The following DMD variants were observed in gnomAD, a reference collection of about 807,000 sequenced individuals.
DMD encodes mutant dystrophin.
A neutral mutation model predicts 330.1 loss-of-function variants in DMD; 63 were observed. That is an observed-to-expected ratio of 0.19 (90% CI 0.16 to 0.24). The LOEUF (loss-of-function observed/expected upper bound fraction) is 0.24, where lower values mean the gene tolerates loss of function less well. Ranked by LOEUF, DMD falls within the 10% of genes least tolerant of loss-of-function variation. The pLI, the probability that DMD is intolerant of heterozygous loss-of-function variation, is 1.00. For missense variants in DMD, 3,344 were observed against 2,684.1 expected (o/e 1.25, Z -5.43); for synonymous variants, 1,223 against 959.8 (o/e 1.27, Z -5.07).
At chrX:31,449,980 T>C (rs2065606116) in intron 59 of DMD, among the ~76,000 whole-genome samples, 2 of 108,517 alleles carry the variant, frequency 1.8e-5, no homozygotes, top group South Asian at 4.1e-4. Flanking sequence ...AAAAATGAAG[T>C]GTTATTCTTG....
At chrX:33,162,654 C>T (rs2048824790) in intron 1 of DMD, among the ~76,000 whole-genome samples, 1 of 110,834 alleles carries the variant, frequency 9.0e-6, no homozygotes. Context: ...ACGCACACAC[C>T]AAAAATAACT....
chrX:32,744,747 C>G (rs1292383107), intron 7 of DMD, among the ~76,000 whole-genome samples: 2 of 111,661 alleles, frequency 1.8e-5, no homozygotes, highest in African/African-American at 6.5e-5. Context: ...CAATCCTCTT[C>G]ATCTGCTTTG....
chrX:31,242,279 A>AT (rs1569496874), intron 63 of DMD, among the ~76,000 whole-genome samples: 1 of 104,834 alleles, frequency 9.5e-6, no homozygotes, highest in African/African-American at 3.5e-5. Context: ...AAAAAAAAAA[A>AT]AAAAAAAAAA....
At chrX:31,393,795 G>A (rs755806191) in intron 60 of DMD, among the ~76,000 whole-genome samples, 46 of 111,814 alleles carry the variant, frequency 4.1e-4, no homozygotes, top group African/African-American at 1.4e-3. Flanking sequence ...CACCCCACAC[G>A]TTGACTCCCA....
chrX:32,986,026 C>T (rs2092835475), intron 2 of DMD, among the ~76,000 whole-genome samples: 3 of 111,600 alleles, frequency 2.7e-5, no homozygotes, highest in Admixed American at 9.6e-5. Context: ...ATACTTATTA[C>T]TTTTCTAAAT....
intron 50 of DMD, among the ~76,000 whole-genome samples, chrX:31,811,818 G>C (rs1168355253): frequency 9.0e-6 from 1 of 111,541 alleles, no homozygotes. Context: ...ACCTGAAGCA[G>C]AATCAACAGT....
chrX:32,594,546 C>G (rs2055301927), intron 13 of DMD, among the ~76,000 whole-genome samples: 1 of 111,432 alleles, frequency 9.0e-6, no homozygotes, highest in Admixed American at 9.6e-5. Context: ...TGTAATTCTT[C>G]TAATTACGTC....
At chrX:32,815,828 T>C (rs2077719825) in intron 6 of DMD, among the ~76,000 whole-genome samples, 1 of 110,846 alleles carries the variant, frequency 9.0e-6, no homozygotes, top group Admixed American at 9.7e-5. Flanking sequence ...TTTATAGCAA[T>C]TGATTTGCTG....
At chrX:33,244,767 A>G (rs1402309149) in intron 1 of DMD, among the ~76,000 whole-genome samples, 1 of 111,959 alleles carries the variant, frequency 8.9e-6, no homozygotes, top group East Asian at 2.8e-4. Flanking sequence ...CCATAGAAAC[A>G]AAACGAAATG....
At chrX:32,860,076 C>A (rs1448645688) in intron 2 of DMD, among the ~76,000 whole-genome samples, 1 of 111,752 alleles carries the variant, frequency 8.9e-6, no homozygotes, top group Non-Finnish European at 1.9e-5. Flanking sequence ...AGACAGTATT[C>A]CTTCCAAATC....
intron 44 of DMD, among the ~76,000 whole-genome samples, chrX:32,199,780 T>TTGTGTGTGTGTGTG (rs35897988): frequency 0.015 from 1,230 of 84,084 alleles, 30 homozygotes; most frequent in Non-Finnish European, 0.015. Context: ...CGCAAGGCTT[T>TTGTGTGTGTGTGTG]TGTGTGTGTG....
chrX:32,135,666 G>A (rs1014319274), intron 44 of DMD, among the ~76,000 whole-genome samples: 3 of 112,396 alleles, frequency 2.7e-5, no homozygotes, highest in Non-Finnish European at 3.8e-5. Flanking sequence ...GAGGCAGTGA[G>A]CCATGAATGC....
At chrX:31,902,754 G>T (rs1241280282) in intron 47 of DMD, among the ~76,000 whole-genome samples, 1 of 111,485 alleles carries the variant, frequency 9.0e-6, no homozygotes, top group African/African-American at 3.3e-5. Context: ...ATTACATCCC[G>T]TATAATCCTA....
chrX:31,266,560 C>T (rs1221712549), intron 62 of DMD, among the ~76,000 whole-genome samples: 1 of 112,163 alleles, frequency 8.9e-6, no homozygotes, highest in Non-Finnish European at 1.9e-5. Flanking sequence ...CTTTTTCTCT[C>T]CGAGCCCGTC....
chrX:31,844,538 G>T (rs1206150821), intron 48 of DMD, among the ~76,000 whole-genome samples: 1 of 111,536 alleles, frequency 9.0e-6, no homozygotes, highest in East Asian at 2.8e-4. Flanking sequence ...TGAATTTTAG[G>T]ATAGTTTTTT....
At chrX:32,706,607 C>T (rs906544965) in intron 7 of DMD, among the ~76,000 whole-genome samples, 1 of 110,688 alleles carries the variant, frequency 9.0e-6, no homozygotes, top group Admixed American at 9.6e-5. Context: ...AAAACAGTGG[C>T]TCAAAATGCA....
intron 17 of DMD, among the ~76,000 whole-genome samples, chrX:32,532,643 T>C (rs982788458): frequency 9.8e-5 from 11 of 112,687 alleles, no homozygotes; most frequent in African/African-American, 2.9e-4. Flanking sequence ...GTAGAAGCCA[T>C]ATACATATTA....
At chrX:33,091,445 T>C (rs1303705790) in intron 1 of DMD, among the ~76,000 whole-genome samples, 2 of 111,970 alleles carry the variant, frequency 1.8e-5, no homozygotes, top group Non-Finnish European at 3.8e-5. Flanking sequence ...GGATATTCAC[T>C]GTGTATTTTT....
chrX:32,133,038 G>A (rs1188376973), intron 44 of DMD, among the ~76,000 whole-genome samples: 2 of 77,897 alleles, frequency 2.6e-5, no homozygotes, highest in Admixed American at 1.9e-4. Flanking sequence ...ATGAAGTCTC[G>A]CTCCATCGCC....
Sources: allele counts gnomAD v4.1 joint callset (sites outside exome capture counted in the v4.1 genomes callset), GRCh38; gene constraint gnomAD v4.1.1; transcripts MANE v1.5; gene names NCBI Gene and HGNC (gene_info 2026-07-23, HGNC 2026-07-21).